IGSF9: variants seen among roughly 807,000 people sequenced by gnomAD.
IGSF9 encodes the protein immunoglobulin superfamily member 9, also known as protein turtle homolog A.
In IGSF9, 87 loss-of-function variants were observed where a neutral mutation model predicts 121.7. The ratio of observed to expected loss-of-function variants is 0.71; its 90% confidence interval spans 0.60 to 0.85. IGSF9 has a LOEUF of 0.85. Ranked by LOEUF, IGSF9 falls within the 40% of genes least tolerant of loss-of-function variation. The pLI, the probability that IGSF9 is intolerant of heterozygous loss-of-function variation, is 0.00. For synonymous variants in IGSF9, 640 were observed against 648.4 expected, an observed-to-expected ratio of 0.99 and a Z score of 0.20; for missense variants, 1,462 against 1,565.3, an observed-to-expected ratio of 0.93 and a Z score of 1.11.
chr1:159,928,821 C>A lies in IGSF9; in HGVS notation c.2567G>T (p.Gly856Val). 6.6e-7 allele frequency: 1 copy of A among 1,521,970 alleles called. No homozygotes were observed. 94.3% of individuals were successfully genotyped at this position (1,521,970 alleles called of 1,614,324 possible). Reference protein sequence around the residue: ...CRGPDGRFVMGPTVAAPQERS... With the variant: ...CRGPDGRFVMVPTVAAPQERS... ...TTCCTGGGGGGCCGCCACAGTGGGC[C>A]CCATCACAAAGCGCCCGTCTGGGCC... Residue 856 changes from glycine to valine, a missense_variant, in exon 19 of 21, where the codon GGG (glycine) becomes GTG (valine). Physicochemically the swap from Gly to Val is moderately radical, Grantham distance 109. Transcript: ENST00000368094.
At chr1:159,930,597 C>G (rs997571900) in intron 14 of IGSF9, 95 bp downstream of exon 14, 2 of 1,570,448 alleles carry the variant, frequency 1.3e-6, no homozygotes, top group Non-Finnish European at 1.7e-6. Context: ...GCCAGCACCT[C>G]TGCCCCTTCC....
chr1:159,936,071 A>G (rs530991293), intron 6 of IGSF9, among the ~76,000 whole-genome samples: 4 of 152,202 alleles, frequency 2.6e-5, no homozygotes, highest in Non-Finnish European at 5.9e-5. Context: ...CTTGTAACAC[A>G]CCTGAGAGGT....
chr1:159,930,131 G>T (rs890180647), intron 15 of IGSF9, 58 bp downstream of exon 15: 1 of 1,557,656 alleles, frequency 6.4e-7, no homozygotes, highest in Non-Finnish European at 8.7e-7. Context: ...TTGGGGAATG[G>T]AGAAGGACGC....
rs540150363 is a variant in IGSF9 at position 159,929,622 on chromosome 1, G to A, written c.2326+16C>T. 6.3e-6 allele frequency: 10 copies of A among 1,589,370 alleles called. No homozygotes were observed. The highest frequency in any genetic ancestry group is 4.0e-5 in the African/African-American group (3 of 74,872). On this transcript the variant is annotated intron_variant, in intron 17 of 20. Coordinates refer to ENST00000368094, the MANE Select transcript of IGSF9 (RefSeq NM_001135050.2). ...CCCAAGTGCGCAGTAGCAGGGCTGA[G>A]GGTGGAGGGACTTACCTTGGCGGAG...
intron 3 of IGSF9, among the ~76,000 whole-genome samples, chr1:159,941,819 T>C (rs1400057229): frequency 6.6e-6 from 1 of 152,084 alleles, no homozygotes; most frequent in African/African-American, 2.4e-5. Context: ...CCACTGGTGC[T>C]AATTGGGGCC....
In IGSF9 at chr1:159,927,093, C is replaced by CAGAG. The variant is rs1247584070; in HGVS notation, c.*251_*252insCTCT. 6.5e-5 allele frequency: 35 copies of CAGAG among 535,928 alleles called. No individual in the cohort carries two copies. The highest frequency in any genetic ancestry group is 2.8e-4 in the African/African-American group (13 of 47,190). 33.2% of individuals were successfully genotyped at this position (535,928 alleles called of 1,614,324 possible). ...AAAAAACTTCACACACACACACACA[C>CAGAG]ACACAGAGAGAGAGAGAGAGAGAGA... On this transcript the variant is annotated 3_prime_UTR_variant, in exon 21 of 21. Coordinates refer to ENST00000368094, the MANE Select transcript of IGSF9 (RefSeq NM_001135050.2).
chr1:159,932,453 A>T lies in IGSF9; in HGVS notation c.1245+59T>A. The T allele has an allele frequency of 7.1e-7, 1 of 1,399,820 alleles. No homozygotes were observed. Among genetic ancestry groups the T allele is most frequent in the South Asian group, 1.2e-5 (1 of 86,952 alleles). The allele number at this position is 1,399,820 out of a possible 1,614,324, so 86.7% of individuals were successfully genotyped here. A position where few individuals can be genotyped will look rare whatever the true frequency, so the allele number is the denominator to read the frequency against. ...CCACCCCCATCAGCCTGGCCTTAGC[A>T]CCATCTCCAGCCATCTGACCCACTG... On this transcript the variant is annotated intron_variant, in intron 10 of 20. Transcript: ENST00000368094. The surrounding 1 kb of genome is among the most constrained non-coding windows in gnomAD (Gnocchi z 4.1).
At chr1:159,943,865 G>C (rs11586896) in intron 1 of IGSF9, among the ~76,000 whole-genome samples, 3 of 152,130 alleles carry the variant, frequency 2.0e-5, no homozygotes, top group Non-Finnish European at 4.4e-5. Context: ...GGGAGGCTGG[G>C]AGAGTTGGGA....
In IGSF9 at chr1:159,928,945, G is replaced by A. The variant is rs1208207934; in HGVS notation, c.2443C>T (p.Arg815Cys). The A allele has an allele frequency of 3.9e-6, 6 of 1,543,616 alleles. No individual in the cohort carries two copies. Among genetic ancestry groups the A allele is most frequent in the East Asian group, 2.3e-5 (1 of 43,704 alleles). The part of the protein sequence containing the change: ...KLQGSPVPSL[R>C]QSLLWGDPAG... ...GGATCCCCCCAGAGCAGACTCTGGCGCAGGCTGGGGACTGGGGATCCCTGG... is the reference window on the plus strand; with the variant it reads ...GGATCCCCCCAGAGCAGACTCTGGCACAGGCTGGGGACTGGGGATCCCTGG... Residue 815 changes from arginine (R) to cysteine (C), a missense_variant, in exon 19 of 21, where the codon CGC (arginine) becomes TGC (cysteine). By Grantham distance (180) the Arg-to-Cys change is radical (BLOSUM62 -3). Transcript: ENST00000368094.
intron 3 of IGSF9, among the ~76,000 whole-genome samples, chr1:159,941,115 T>TTCC (rs1651361154): frequency 1.3e-5 from 2 of 152,152 alleles, no homozygotes; most frequent in African/African-American, 4.8e-5. Context: ...TAGATGCTTC[T>TTCC]AGAGTCCTCA....
Position 159,934,220 on chromosome 1 carries a change from G to T in IGSF9, c.1074C>A (p.Thr358=), listed in dbSNP as rs1297699132. 5 of 1,613,962 alleles carry T rather than the reference G, an allele frequency of 3.1e-6. No individual in the cohort carries two copies. The highest frequency in any genetic ancestry group is 4.2e-6 in the Non-Finnish European group (5 of 1,179,954). ...ANPPLLFVSW[T]KDGKALQLDK... The stretch of plus-strand genomic sequence containing the variant: ...CCAGCTGCAGGGCCTTTCCATCCTT[G>T]GTCCAGCTGACAAAGAGCAGTGGGG... The change falls in exon 9 of 21, where the codon ACC becomes ACA. Residue 358 remains threonine, a synonymous_variant. Coordinates refer to ENST00000368094, the MANE Select transcript of IGSF9 (RefSeq NM_001135050.2).
In IGSF9 at chr1:159,928,306, G is replaced by T; in HGVS notation, c.3082C>A (p.Arg1028=). The T allele has an allele frequency of 6.2e-7, 1 of 1,611,316 alleles. No individual in the cohort carries two copies. Residue 1028 remains arginine, a synonymous_variant, in exon 19 of 21, where the codon CGA becomes AGA. Coordinates refer to ENST00000368094, the MANE Select transcript of IGSF9 (RefSeq NM_001135050.2). ...GGCCGCAGGAACGAAGCGCTGCCTC[G>T]CCCACTGCTCTGGCTGGTGAGGCTG... ...RGSLTSQSSG[R]GSASFLRPPS...
At position 159,931,893 on chromosome 1, in the gene IGSF9, T is replaced by G. The variant is rs201446551; in HGVS notation, c.1281A>C (p.Glu427Asp). ...GCTCCCGCCCTACTTCTTGGAAATA[T>G]TCTTCCTTGGGCCGCTCTATAAAAG... is the stretch of plus-strand genomic sequence containing the variant. ...PPAFIERPKE[E>D]YFQEVGRELL... Residue 427 changes from glutamate to aspartate, a missense_variant, in exon 11 of 21, where the codon GAA becomes GAC. Glu to Asp is a conservative substitution (Grantham distance 45). Around this residue, in one of 3 missense-constraint regions of IGSF9, gnomAD observed 558 missense variants for 599.4 expected, o/e 0.93. Coordinates refer to ENST00000368094, the MANE Select transcript of IGSF9 (RefSeq NM_001135050.2). The surrounding 1 kb of genome is among the most constrained non-coding windows in gnomAD (Gnocchi z 4.8). The G allele has an allele frequency of 1.9e-6, 3 of 1,597,912 alleles. No individual in the cohort carries two copies. The East Asian group carries it at 6.7e-5, about 36-fold the overall frequency.
rs776539733 is a variant in IGSF9 at position 159,929,379 on chromosome 1, A to C, written c.2341T>G (p.Phe781Val). ...GCAGCTGACTTCCCGGTCGGAGAGA[A>C]GATAAGAGGTGGATCTGGAAGGGCA... is the stretch of plus-strand genomic sequence containing the variant. Reference protein sequence around the residue: ...KRLRQDPPLIFSPTGKSAAPS... With the variant: ...KRLRQDPPLIVSPTGKSAAPS... Residue 781 changes from phenylalanine to valine, a missense_variant, in exon 18 of 21, where the codon TTC becomes GTC. Phe to Val is a conservative substitution (Grantham distance 50). Around this residue, in one of 3 missense-constraint regions of IGSF9, gnomAD observed 808 missense variants for 815.2 expected, o/e 0.99. Transcript: ENST00000368094. 5 of 1,614,156 alleles carry C rather than the reference A, an allele frequency of 3.1e-6. No homozygotes were observed. Among genetic ancestry groups the C allele is most frequent in the Non-Finnish European group, 4.2e-6 (5 of 1,180,014 alleles).
intron 3 of IGSF9, among the ~76,000 whole-genome samples, chr1:159,941,443 G>C (rs181682620): frequency 6.6e-6 from 1 of 152,230 alleles, no homozygotes; most frequent in African/African-American, 2.4e-5. Flanking sequence ...AGCTCCAGAC[G>C]GAGGTAGGGG....
At chr1:159,938,211 T>C (rs1316576992) in intron 3 of IGSF9, among the ~76,000 whole-genome samples, 1 of 152,140 alleles carries the variant, frequency 6.6e-6, no homozygotes, top group African/African-American at 2.4e-5. Flanking sequence ...GGGCTCTTTA[T>C]GTAGGGGAAG....
Position 159,932,578 on chromosome 1 carries a change from G to A in IGSF9, c.1179C>T (p.Tyr393=). 1.2e-6 allele frequency: 2 copies of A among 1,614,108 alleles called. No homozygotes were observed. The highest frequency in any genetic ancestry group is 1.7e-6 in the Non-Finnish European group (2 of 1,179,986). Residue 393 remains tyrosine (Y), a synonymous_variant, in exon 10 of 21, where the codon TAC becomes TAT. Coordinates refer to ENST00000368094, the MANE Select transcript of IGSF9 (RefSeq NM_001135050.2). The surrounding 1 kb of genome is among the most constrained non-coding windows in gnomAD (Gnocchi z 4.1). The stretch of plus-strand genomic sequence containing the variant: ...CAAGACTGTTGTAGGGGGTGCAGGA[G>A]TATTCTCCCAGGGCATCCTCGTTCC... ...ALGNEDALGE[Y]SCTPYNSLGT... is the part of the protein sequence containing the mutation.
At chr1:159,929,610 T>C (rs777497517) in intron 17 of IGSF9, 28 bp downstream of exon 17, 2 of 1,582,754 alleles carry the variant, frequency 1.3e-6, no homozygotes, top group South Asian at 2.3e-5. Context: ...AAGTGCGCAG[T>C]AGCAGGGCTG....
chr1:159,940,520 A>T (rs1178379334), intron 3 of IGSF9, among the ~76,000 whole-genome samples: 2 of 152,194 alleles, frequency 1.3e-5, no homozygotes, highest in Non-Finnish European at 2.9e-5. Flanking sequence ...AAAACAGGAG[A>T]CACAGTCTCT....
Sources: gnomAD v4.1 joint callset for allele counts (sites outside exome capture counted in the v4.1 genomes callset) on GRCh38, gnomAD v4.1.1 for gene constraint, gnomAD v4.1.1 regional missense constraint, Gnocchi (gnomAD v3.1) non-coding constraint, MANE v1.5 for transcripts, NCBI Gene and HGNC (gene_info 2026-07-23, HGNC 2026-07-21) for gene names.